Variants in APBB2 observed in about 807,000 individuals in gnomAD.
APBB2 encodes the protein amyloid beta precursor protein binding family B member 2.
Under a neutral mutation model 82.5 loss-of-function variants are expected in APBB2, and 38 were observed. The observed-to-expected ratio is 0.46, with a 90% CI of 0.36 to 0.60. APBB2 has a LOEUF of 0.60. Ranked by LOEUF, APBB2 falls within the 20% of genes least tolerant of loss-of-function variation. APBB2 has a pLI of 0.00. For synonymous variants in APBB2, 341 were observed against 368.2 expected (o/e 0.93, Z 0.85); for missense variants, 772 against 972.3 (o/e 0.79, Z 2.74).
rs191510780 is a variant in APBB2 at position 41,073,279 on chromosome 4, C to T, written c.-148-7606G>A. On this transcript the variant is annotated intron_variant, in intron 3 of 17. Transcript: ENST00000508593. ...AAAAACCTAGAATGTAAAAATTCCCCATTATGATTTTCCCATTTTGTTTCT... is the reference window on the plus strand; with the variant it reads ...AAAAACCTAGAATGTAAAAATTCCCTATTATGATTTTCCCATTTTGTTTCT... Among the ~76,000 whole-genome samples the T allele has an allele frequency of 4.8e-4, 73 of 152,276 alleles. 1 individual carries two copies. The highest frequency in any genetic ancestry group is 1.4e-3 in the Admixed American group (21 of 15,298).
intron 12 of APBB2, among the ~76,000 whole-genome samples, chr4:40,877,255 AC>A (rs1767168842): frequency 6.6e-6 from 1 of 152,252 alleles, no homozygotes; most frequent in Admixed American, 6.5e-5. Flanking sequence ...GAAAGCTGTT[AC>A]CCATCTGAGA....
chr4:40,965,156 G>A (rs894125300), intron 6 of APBB2, among the ~76,000 whole-genome samples: 3 of 151,800 alleles, frequency 2.0e-5, no homozygotes, highest in Non-Finnish European at 2.9e-5. Context: ...TTGACTATGG[G>A]TGGAAAAACG....
intron 4 of APBB2, among the ~76,000 whole-genome samples, chr4:41,053,209 C>A (rs969721288): frequency 6.6e-6 from 1 of 152,098 alleles, no homozygotes; most frequent in African/African-American, 2.4e-5. Flanking sequence ...GTGCAAAATT[C>A]TTTTCTCTTT....
chr4:41,157,242 A>C (rs1276668586), intron 1 of APBB2, among the ~76,000 whole-genome samples: 1 of 152,156 alleles, frequency 6.6e-6, no homozygotes, highest in East Asian at 1.9e-4. Context: ...TGGTGCAGGC[A>C]GGTCAGCACA....
At chr4:40,925,894 T>C (rs1032793084) in intron 10 of APBB2, among the ~76,000 whole-genome samples, 1 of 152,196 alleles carries the variant, frequency 6.6e-6, no homozygotes, top group African/African-American at 2.4e-5. Context: ...TGGAATCTCA[T>C]GTCCATTCGC....
intron 7 of APBB2, among the ~76,000 whole-genome samples, chr4:40,941,131 T>C (rs1786786678): frequency 7.0e-6 from 1 of 142,794 alleles, no homozygotes; most frequent in Non-Finnish European, 1.6e-5. Context: ...TAGCACTTAG[T>C]TATTTGATTC....
chr4:41,002,495 G>T (rs1331845450), intron 6 of APBB2, among the ~76,000 whole-genome samples: 1 of 152,172 alleles, frequency 6.6e-6, no homozygotes, highest in South Asian at 2.1e-4. Context: ...ACATTAGCCT[G>T]GTTCTTCTAC....
chr4:41,011,760 GACTCAA>G (rs1351632040), intron 6 of APBB2, among the ~76,000 whole-genome samples: 4 of 151,774 alleles, frequency 2.6e-5, no homozygotes, highest in Non-Finnish European at 5.9e-5. Flanking sequence ...GCGGATCTAT[GACTCAA>G]ACATTTTCTG....
chr4:40,874,196 GTTTAA>G (rs547659065), intron 12 of APBB2, among the ~76,000 whole-genome samples: 149 of 152,280 alleles, frequency 9.8e-4, no homozygotes, highest in African/African-American at 3.3e-3. Context: ...GCAATTGCAG[GTTTAA>G]TTTAACTTGA....
Position 40,865,005 on chromosome 4 carries a change from T to C in APBB2, c.1529+25359A>G, listed in dbSNP as rs899403796. On this transcript the variant is annotated intron_variant, in intron 12 of 17. Coordinates refer to ENST00000508593, the MANE Select transcript of APBB2 (RefSeq NM_004307.2). Reference sequence around the variant, plus strand: ...TCCCGAGTAGCTGGGATTACAGGCATGTGCCACCATGTCTAGCTAATTTTT... The same window carrying C: ...TCCCGAGTAGCTGGGATTACAGGCACGTGCCACCATGTCTAGCTAATTTTT... 3.3e-5 allele frequency among the ~76,000 whole-genome samples: 5 copies of C among 152,080 alleles called. No individual in the cohort carries two copies. In the South Asian group the frequency reaches 6.2e-4, roughly 19 times the overall value.
chr4:41,119,350 T>TA (rs1343585109), intron 2 of APBB2, among the ~76,000 whole-genome samples: 2 of 152,042 alleles, frequency 1.3e-5, no homozygotes, highest in African/African-American at 4.8e-5. Context: ...TTTTTAAACT[T>TA]AATCTCATGC....
intron 16 of APBB2, among the ~76,000 whole-genome samples, chr4:40,823,279 A>G (rs1297912440): frequency 6.6e-6 from 1 of 151,852 alleles, no homozygotes; most frequent in East Asian, 1.9e-4. Flanking sequence ...TAGTCACAGG[A>G]CTCTCCCAAA....
intron 10 of APBB2, among the ~76,000 whole-genome samples, chr4:40,918,609 G>A (rs921649538): frequency 2.6e-5 from 4 of 152,160 alleles, no homozygotes; most frequent in Non-Finnish European, 5.9e-5. Context: ...AAGCAGCAGA[G>A]GAACTCAAGG....
chr4:41,054,588 A>T (rs552716849), intron 4 of APBB2, among the ~76,000 whole-genome samples: 2 of 152,306 alleles, frequency 1.3e-5, no homozygotes, highest in Admixed American at 1.3e-4. Context: ...AAAAGCATCC[A>T]CTACCTATAA....
intron 3 of APBB2, among the ~76,000 whole-genome samples, chr4:41,077,330 AATT>A (rs1457170607): frequency 2.6e-5 from 4 of 152,030 alleles, no homozygotes; most frequent in Non-Finnish European, 4.4e-5. Flanking sequence ...TTTAAACAAT[AATT>A]ACATTGGAGA....
chr4:40,985,130 G>A (rs1170809126), intron 6 of APBB2, among the ~76,000 whole-genome samples: 1 of 151,880 alleles, frequency 6.6e-6, no homozygotes, highest in African/African-American at 2.4e-5. Flanking sequence ...GCCCAGGCTG[G>A]TCTCAGACTT....
At chr4:41,213,975 G>A (rs1779992384) in intron 1 of APBB2, among the ~76,000 whole-genome samples, 1 of 152,214 alleles carries the variant, frequency 6.6e-6, no homozygotes, top group Admixed American at 6.5e-5. Context: ...TCTTCCCGCA[G>A]GCGCCCACCC....
intron 12 of APBB2, among the ~76,000 whole-genome samples, chr4:40,858,454 C>CAAAAAAAAAAAAAAAAAAAAAAA (rs34433911): frequency 7.3e-4 from 42 of 57,712 alleles, no homozygotes; most frequent in Non-Finnish European, 1.1e-3. Context: ...GAGTCCGTCT[C>CAAAAAAAAAAAAAAAAAAAAAAA]AAAAAAAAAA....
intron 1 of APBB2, among the ~76,000 whole-genome samples, chr4:41,175,516 C>T (rs62410014): frequency 0.12 from 17,810 of 152,104 alleles, 1,832 homozygotes; most frequent in African/African-American, 0.28. Context: ...ATTTTCATCA[C>T]ATACAGATTA....
Sources: gnomAD v4.1 joint callset for allele counts (sites outside exome capture counted in the v4.1 genomes callset) on GRCh38, gnomAD v4.1.1 for gene constraint, MANE v1.5 for transcripts, NCBI Gene and HGNC (gene_info 2026-07-23, HGNC 2026-07-21) for gene names.